Variants in CDH18 observed in about 807,000 individuals in gnomAD.
CDH18 encodes cadherin-18.
Under a neutral mutation model 67.9 loss-of-function variants are expected in CDH18, and 31 were observed. That is an observed-to-expected ratio of 0.46 (90% CI 0.34 to 0.62). CDH18 has a LOEUF of 0.62. Among genes scored for constraint, CDH18 ranks in the 20% least tolerant of loss-of-function variants. CDH18 has a pLI of 0.01. For missense variants in CDH18, 890 were observed against 975.5 expected (o/e 0.91, Z 1.17); for synonymous variants, 362 against 347.2 (o/e 1.04, Z -0.48).
chr5:20,431,551 C>G (rs947844530), intron 1 of CDH18, among the ~76,000 whole-genome samples: 1 of 150,194 alleles, frequency 6.7e-6, no homozygotes, highest in Non-Finnish European at 1.5e-5. Flanking sequence ...CTCAGTCAAT[C>G]ACAAAGAGCC....
At chr5:20,235,437 T>G (rs1742398560) in intron 2 of CDH18, among the ~76,000 whole-genome samples, 1 of 151,748 alleles carries the variant, frequency 6.6e-6, no homozygotes, top group Non-Finnish European at 1.5e-5. Flanking sequence ...AAGCAAAAAA[T>G]GAATAACCCT....
intron 8 of CDH18, among the ~76,000 whole-genome samples, chr5:19,559,928 A>C (rs1283875613): frequency 1.3e-5 from 2 of 151,530 alleles, no homozygotes; most frequent in Admixed American, 6.6e-5. Flanking sequence ...AAACAAACAA[A>C]AAAAAAACTC....
chr5:19,697,655 G>A (rs1382766309), intron 5 of CDH18, among the ~76,000 whole-genome samples: 1 of 152,102 alleles, frequency 6.6e-6, no homozygotes. Flanking sequence ...TTCCATAAAG[G>A]AAGAAAATAT....
chr5:20,146,757 T>C (rs1334753904), intron 2 of CDH18, among the ~76,000 whole-genome samples: 2 of 152,088 alleles, frequency 1.3e-5, no homozygotes, highest in African/African-American at 4.8e-5. Context: ...TAAACATGTA[T>C]TAACTGACAA....
intron 1 of CDH18, among the ~76,000 whole-genome samples, chr5:20,372,439 A>G (rs1041282775): frequency 3.3e-5 from 5 of 152,172 alleles, no homozygotes; most frequent in African/African-American, 1.2e-4. Context: ...ACTAGATCTT[A>G]TCCTTTCTAT....
At chr5:19,521,581 C>T (rs928869020) in intron 9 of CDH18, among the ~76,000 whole-genome samples, 1 of 151,656 alleles carries the variant, frequency 6.6e-6, no homozygotes, top group Non-Finnish European at 1.5e-5. Context: ...TAAATTGTAA[C>T]AACATACAAT....
intron 1 of CDH18, among the ~76,000 whole-genome samples, chr5:20,354,957 C>A (rs1314182198): frequency 6.6e-6 from 1 of 152,086 alleles, no homozygotes; most frequent in African/African-American, 2.4e-5. Flanking sequence ...AATATCTGAC[C>A]AGGACCACTT....
chr5:19,473,340 C>T lies in CDH18; in HGVS notation c.2259G>A (p.Leu753=), dbSNP rs1737867514. 6.2e-7 allele frequency: 1 copy of T among 1,613,850 alleles called. No homozygotes were observed. The highest frequency in any genetic ancestry group is 8.5e-7 in the Non-Finnish European group (1 of 1,179,900). Residue 753 remains leucine (L), a synonymous_variant, in exon 13 of 13, where the codon CTG becomes CTA. Coordinates refer to ENST00000382275, the MANE Select transcript of CDH18 (RefSeq NM_004934.5). ...GGTCTGATTGTGTCGTTGCTGAATC[C>T]AGCGAGCTGATAGACCCAGCTTCTG... The part of the protein sequence containing the change: ...QRSEAGSISS[L]DSATTQSDQD...
intron 1 of CDH18, among the ~76,000 whole-genome samples, chr5:20,348,994 C>T (rs1018696507): frequency 6.6e-6 from 1 of 152,046 alleles, no homozygotes; most frequent in African/African-American, 2.4e-5. Flanking sequence ...ATGTTAGATT[C>T]TGCATTGGAA....
intron 6 of CDH18, among the ~76,000 whole-genome samples, chr5:19,597,693 T>C (rs1273414067): frequency 1.3e-5 from 2 of 152,224 alleles, no homozygotes; most frequent in Admixed American, 1.3e-4. Flanking sequence ...AGTTCTCATT[T>C]GATAAAGTAA....
chr5:20,277,701 G>A (rs1745912666), intron 1 of CDH18, among the ~76,000 whole-genome samples: 1 of 152,108 alleles, frequency 6.6e-6, no homozygotes, highest in African/African-American at 2.4e-5. Context: ...AAGAGAGAGA[G>A]TTATGTGACC....
At chr5:20,382,054 G>A (rs746868973) in intron 1 of CDH18, among the ~76,000 whole-genome samples, 9 of 152,226 alleles carry the variant, frequency 5.9e-5, no homozygotes, top group South Asian at 2.1e-4. Context: ...AATAAAATAT[G>A]TAGTATTTAT....
At chr5:20,102,028 G>A (rs1215546492) in intron 2 of CDH18, among the ~76,000 whole-genome samples, 2 of 152,078 alleles carry the variant, frequency 1.3e-5, no homozygotes, top group Non-Finnish European at 2.9e-5. Context: ...CTGAGATCGC[G>A]CCACTGTACT....
intron 5 of CDH18, among the ~76,000 whole-genome samples, chr5:19,671,942 T>G (rs1758807592): frequency 6.6e-6 from 1 of 152,158 alleles, no homozygotes; most frequent in South Asian, 2.1e-4. Context: ...AATACTGGCA[T>G]GTAGGAACAA....
At chr5:19,658,390 T>C (rs1175167752) in intron 5 of CDH18, among the ~76,000 whole-genome samples, 1 of 152,120 alleles carries the variant, frequency 6.6e-6, no homozygotes, top group Non-Finnish European at 1.5e-5. Context: ...GATTGCAATC[T>C]GTGTGCCTCT....
intron 2 of CDH18, among the ~76,000 whole-genome samples, chr5:19,974,234 T>C (rs1798286831): frequency 6.6e-6 from 1 of 151,876 alleles, no homozygotes; most frequent in Non-Finnish European, 1.5e-5. Context: ...CTGAGCAGAG[T>C]AAATAGGCGG....
chr5:19,680,518 T>C (rs1760136569), intron 5 of CDH18, among the ~76,000 whole-genome samples: 1 of 151,878 alleles, frequency 6.6e-6, no homozygotes, highest in East Asian at 1.9e-4. Context: ...ATTTGCAAAC[T>C]GTGCATCTAA....
intron 2 of CDH18, among the ~76,000 whole-genome samples, chr5:19,858,085 T>C (rs149103145): frequency 6.6e-6 from 1 of 152,174 alleles, no homozygotes; most frequent in Non-Finnish European, 1.5e-5. Context: ...TATGATAATG[T>C]TAACTCAAAG....
Position 19,896,654 on chromosome 5 carries a change from T to C in CDH18, c.-256-57412A>G, listed in dbSNP as rs1340773846. Among the ~76,000 whole-genome samples, 3 of 152,208 alleles carry C rather than the reference T, an allele frequency of 2.0e-5. No individual in the cohort carries two copies. The East Asian group carries it at 5.8e-4, about 29-fold the overall frequency. ...TGGTATCCAGAACAGTGAAAACCAATTTCTAGCGTTTTAAGCCAATGAATT... is the reference window on the plus strand; with the variant it reads ...TGGTATCCAGAACAGTGAAAACCAACTTCTAGCGTTTTAAGCCAATGAATT... On this transcript the variant is annotated intron_variant, in intron 2 of 12. Transcript: ENST00000382275.
Sources: allele counts gnomAD v4.1 joint callset (sites outside exome capture counted in the v4.1 genomes callset), GRCh38; gene constraint gnomAD v4.1.1; transcripts MANE v1.5; gene names NCBI Gene and HGNC (gene_info 2026-07-23, HGNC 2026-07-21).